The following SMARCAD1 variants were observed in gnomAD, a reference collection of about 807,000 sequenced individuals.
The protein encoded by SMARCAD1 is SNF2 related chromatin remodeling ATPase with DExD box 1.
In SMARCAD1, 25 loss-of-function variants were observed where a neutral mutation model predicts 127.1. The ratio of observed to expected loss-of-function variants is 0.20; its 90% CI spans 0.14 to 0.27. The LOEUF (loss-of-function observed/expected upper bound fraction) is 0.27. SMARCAD1 is among the 10% of genes least tolerant of loss of function. The pLI is 1.00. For synonymous variants in SMARCAD1, 400 were observed against 396.9 expected, an observed-to-expected ratio of 1.01 and a Z score of -0.09; for missense variants, 807 against 1,206.0, an observed-to-expected ratio of 0.67 and a Z score of 4.90.
At chr4:94,288,527 G>A (rs1244157441) in intron 23 of SMARCAD1, among the ~76,000 whole-genome samples, 1 of 152,128 alleles carries the variant, frequency 6.6e-6, no homozygotes, top group East Asian at 1.9e-4. Context: ...CCTAAGAGTT[G>A]ATGTACTATT....
At chr4:94,279,394 C>T (rs1197722265) in intron 19 of SMARCAD1, among the ~76,000 whole-genome samples, 3 of 152,060 alleles carry the variant, frequency 2.0e-5, no homozygotes, top group African/African-American at 4.8e-5. Flanking sequence ...CCCGCCTTGG[C>T]CTCCCAAAGT....
At chr4:94,245,450 T>G (rs1426994525) in intron 6 of SMARCAD1, among the ~76,000 whole-genome samples, 1 of 152,198 alleles carries the variant, frequency 6.6e-6, no homozygotes, top group Non-Finnish European at 1.5e-5. Flanking sequence ...CCGGATGAAT[T>G]TGGAACCGTA....
chr4:94,227,105 G>A (rs1474486083), intron 3 of SMARCAD1, among the ~76,000 whole-genome samples: 3 of 152,164 alleles, frequency 2.0e-5, no homozygotes, highest in Non-Finnish European at 4.4e-5. Flanking sequence ...GACATAAAGG[G>A]GGTGAGAAAG....
At chr4:94,274,130 T>C (rs1387911407) in intron 12 of SMARCAD1, among the ~76,000 whole-genome samples, 1 of 152,146 alleles carries the variant, frequency 6.6e-6, no homozygotes, top group African/African-American at 2.4e-5. Context: ...TTTGTACATG[T>C]GAATGTAACA....
At chr4:94,283,431 T>C (rs1754380826) in intron 22 of SMARCAD1, 128 bp downstream of exon 22, 1 of 801,888 alleles carries the variant, frequency 1.2e-6, no homozygotes, top group African/African-American at 1.7e-5. Flanking sequence ...TACTGATGTA[T>C]TTTATACCAG....
At chr4:94,283,029 G>C in intron 21 of SMARCAD1, 92 bp from the exon 22 acceptor site, 1 of 1,061,090 alleles carries the variant, frequency 9.4e-7, no homozygotes, top group Non-Finnish European at 1.4e-6. Flanking sequence ...TACATCTTCA[G>C]GTTTCTTTTT....
intron 10 of SMARCAD1, among the ~76,000 whole-genome samples, chr4:94,269,065 T>C (rs971593356): frequency 1.3e-5 from 2 of 152,172 alleles, no homozygotes; most frequent in African/African-American, 4.8e-5. Flanking sequence ...AAAAGAATTA[T>C]AAAAGGCAGA....
At chr4:94,256,094 ATAT>A (rs745752574) in intron 9 of SMARCAD1, among the ~76,000 whole-genome samples, 16 of 152,216 alleles carry the variant, frequency 1.1e-4, no homozygotes, top group African/African-American at 2.9e-4. Flanking sequence ...TAGGGAGGGG[ATAT>A]TATTATGTCT....
intron 2 of SMARCAD1, among the ~76,000 whole-genome samples, chr4:94,220,006 G>A (rs555028031): frequency 6.6e-6 from 1 of 152,170 alleles, no homozygotes; most frequent in Admixed American, 6.5e-5. Flanking sequence ...TGTTTTTGTA[G>A]TTTTCCTTTT....
At chr4:94,253,374 G>A in intron 9 of SMARCAD1, 4 of 1,281,750 alleles carry the variant, frequency 3.1e-6, no homozygotes, top group Non-Finnish European at 4.0e-6. Context: ...CATGCAGAAA[G>A]CAAGAATGTG....
chr4:94,250,899 A>C (rs1749181730), intron 8 of SMARCAD1, 66 bp downstream of exon 8: 1 of 1,251,114 alleles, frequency 8.0e-7, no homozygotes, highest in Non-Finnish European at 1.2e-6. Context: ...TATATAAGAA[A>C]ATGGTATATA....
chr4:94,238,323 C>A (rs963329459), intron 5 of SMARCAD1, among the ~76,000 whole-genome samples: 1 of 152,130 alleles, frequency 6.6e-6, no homozygotes, highest in Non-Finnish European at 1.5e-5. Flanking sequence ...CTTGACTCTT[C>A]TGTCTTTGTT....
intron 19 of SMARCAD1, among the ~76,000 whole-genome samples, chr4:94,279,952 C>T (rs996110818): frequency 6.6e-6 from 1 of 152,074 alleles, no homozygotes. Flanking sequence ...GCACCCTCCG[C>T]CTCCCAGGTT....
chr4:94,246,775 T>C (rs911083838), intron 6 of SMARCAD1, among the ~76,000 whole-genome samples: 4 of 152,180 alleles, frequency 2.6e-5, no homozygotes, highest in Non-Finnish European at 5.9e-5. Context: ...TCTAAGTCCA[T>C]GAGTACTGTA....
intron 6 of SMARCAD1, among the ~76,000 whole-genome samples, chr4:94,242,254 A>G (rs1747704127): frequency 6.6e-6 from 1 of 151,614 alleles, no homozygotes; most frequent in Admixed American, 6.6e-5. Context: ...CATGTTGGCC[A>G]GGCTGGTCTC....
At chr4:94,280,912 C>CATTTTCTTGACGT in intron 20 of SMARCAD1, 132 bp downstream of exon 20, 1 of 867,944 alleles carries the variant, frequency 1.2e-6, no homozygotes, top group Non-Finnish European at 1.8e-6. Context: ...GTGTTTTGAA[C>CATTTTCTTGACGT]ATTTTCTTGA....
At chr4:94,256,980 C>G (rs1467189219) in intron 9 of SMARCAD1, among the ~76,000 whole-genome samples, 1 of 152,174 alleles carries the variant, frequency 6.6e-6, no homozygotes, top group African/African-American at 2.4e-5. Context: ...TGCTTTTAAA[C>G]AGTTTCCTCC....
At chr4:94,216,112 C>A (rs7661682) in intron 2 of SMARCAD1, among the ~76,000 whole-genome samples, 21,942 of 152,058 alleles carry the variant, frequency 0.14, 1,812 homozygotes, top group Non-Finnish European at 0.19. Flanking sequence ...AATCTTTTAA[C>A]CCCATGTGGC....
rs367775203 is a variant in SMARCAD1, at chr4:94,289,554, C to G, written c.*20C>G. 3.8e-6 allele frequency: 6 copies of G among 1,593,900 alleles called. No homozygotes were observed. The Admixed American group carries it at 6.7e-5, about 18-fold the overall frequency. Reference sequence around the variant, plus strand: ...CTGTGAAATAAGAACTGTGAACTCTCAATTGATGAGGAAATATCAACTTGG... The same window carrying G: ...CTGTGAAATAAGAACTGTGAACTCTGAATTGATGAGGAAATATCAACTTGG... On this transcript the variant is annotated 3_prime_UTR_variant, in exon 24 of 24. Transcript: ENST00000354268.
Sources: allele counts gnomAD v4.1 joint callset (sites outside exome capture counted in the v4.1 genomes callset), GRCh38; gene constraint gnomAD v4.1.1; transcripts MANE v1.5; gene names NCBI Gene and HGNC (gene_info 2026-07-23, HGNC 2026-07-21).